NRXN3: variants seen among roughly 807,000 people sequenced by gnomAD.
The protein encoded by NRXN3 is neurexin III.
A neutral mutation model predicts 137.6 loss-of-function variants in NRXN3; 32 were observed. That is an observed-to-expected ratio of 0.23 (90% confidence interval 0.18 to 0.31). The LOEUF is 0.31. Among genes scored for constraint, NRXN3 ranks in the 10% least tolerant of loss-of-function variants. The probability of loss-of-function intolerance (pLI) is 1.00; values close to 1 mark genes in which losing one functional copy is unlikely to be tolerated. For synonymous variants in NRXN3, 798 were observed against 784.5 expected, an observed-to-expected ratio of 1.02 and a Z score of -0.29; for missense variants, 1,574 against 2,062.5, an observed-to-expected ratio of 0.76 and a Z score of 4.59.
At chr14:78,549,204 A>G (rs1328993965) in intron 4 of NRXN3, among the ~76,000 whole-genome samples, 1 of 152,192 alleles carries the variant, frequency 6.6e-6, no homozygotes, top group Non-Finnish European at 1.5e-5. Flanking sequence ...TACCAAGAGG[A>G]TGCTTTGTCC....
rs1244507202 is a variant in NRXN3, at chr14:78,419,060, C to T, written c.757+121200C>T. On this transcript the variant is annotated intron_variant, in intron 4 of 20. Coordinates refer to ENST00000335750, the MANE Select transcript of NRXN3 (RefSeq NM_001330195.2). ...TTGCCAACCTTTACATGAAGAGCCTCAGTTACCCCTCAGCACCATCTTTGG... is the reference window on the plus strand; with the variant it reads ...TTGCCAACCTTTACATGAAGAGCCTTAGTTACCCCTCAGCACCATCTTTGG... 2.6e-5 allele frequency among the ~76,000 whole-genome samples: 4 copies of T among 152,282 alleles called. No homozygotes were observed. The East Asian group carries it at 7.7e-4, about 29-fold the overall frequency.
intron 8 of NRXN3, among the ~76,000 whole-genome samples, chr14:78,790,439 C>A (rs2153049910): frequency 6.6e-6 from 1 of 152,236 alleles, no homozygotes; most frequent in African/African-American, 2.4e-5. Context: ...GACATCACCC[C>A]ACATCCATTT....
chr14:78,314,893 C>CTCTTCCTTTCTT, intron 4 of NRXN3, among the ~76,000 whole-genome samples: 1 of 82,184 alleles, frequency 1.2e-5, no homozygotes, highest in South Asian at 4.5e-4. Context: ...TTCTTTCTTT[C>CTCTTCCTTTCTT]TCTTTCTTTC....
intron 18 of NRXN3, among the ~76,000 whole-genome samples, chr14:79,696,003 T>C (rs1312769214): frequency 6.6e-6 from 1 of 152,002 alleles, no homozygotes; most frequent in Non-Finnish European, 1.5e-5. Flanking sequence ...AGGGCTATTA[T>C]TTGTAAATCA....
chr14:79,156,874 T>C (rs1166192361), intron 15 of NRXN3, among the ~76,000 whole-genome samples: 2 of 151,834 alleles, frequency 1.3e-5, no homozygotes, highest in Non-Finnish European at 2.9e-5. Context: ...GTGGGTCATA[T>C]ACTTCTTCAT....
chr14:78,960,560 T>C (rs1394481728), intron 11 of NRXN3, among the ~76,000 whole-genome samples: 1 of 152,228 alleles, frequency 6.6e-6, no homozygotes, highest in African/African-American at 2.4e-5. Flanking sequence ...GATTGTGTTC[T>C]TGGAAAAGCA....
At chr14:78,396,376 A>G (rs2192420) in intron 4 of NRXN3, among the ~76,000 whole-genome samples, 133,421 of 152,190 alleles carry the variant, frequency 0.88, 59,083 homozygotes, top group Middle Eastern at 0.95. Context: ...CAGAATTTAG[A>G]AGGCTCAAAG....
chr14:79,337,438 G>A (rs2092336195), intron 15 of NRXN3, among the ~76,000 whole-genome samples: 1 of 152,154 alleles, frequency 6.6e-6, no homozygotes, highest in South Asian at 2.1e-4. Flanking sequence ...ACAGATGCAG[G>A]AGCTGGTATA....
At chr14:79,168,034 A>G (rs886261112) in intron 15 of NRXN3, among the ~76,000 whole-genome samples, 2 of 151,694 alleles carry the variant, frequency 1.3e-5, no homozygotes, top group East Asian at 1.9e-4. Context: ...AACAGAATCA[A>G]TGACAATAGT....
chr14:79,172,321 G>A (rs2061866101), intron 15 of NRXN3, among the ~76,000 whole-genome samples: 1 of 152,044 alleles, frequency 6.6e-6, no homozygotes, highest in African/African-American at 2.4e-5. Context: ...TTCCTCTTGA[G>A]GTGTCAGTAA....
rs144724543 is a variant in NRXN3, at chr14:78,715,112, G to A, written c.2017G>A (p.Gly673Arg). ...NRFICDCTGTGYWGRTCEREA... is the reference protein window; with the variant it reads ...NRFICDCTGTRYWGRTCEREA... The stretch of plus-strand genomic sequence containing the variant: ...CTTCATCTGCGACTGCACCGGCACC[G>A]GATACTGGGGAAGAACCTGCGAAAG... Residue 673 changes from glycine to arginine, a missense_variant, in exon 8 of 21, where the codon GGA becomes AGA. Gly to Arg is a moderately radical substitution (Grantham distance 125). Transcript: ENST00000335750. 3.2e-5 allele frequency: 51 copies of A among 1,610,102 alleles called. No individual in the cohort carries two copies. Among genetic ancestry groups the A allele is most frequent in the Non-Finnish European group, 4.2e-5 (50 of 1,178,576 alleles).
At chr14:78,187,185 A>G (rs1349342095) in intron 1 of NRXN3, among the ~76,000 whole-genome samples, 1 of 152,064 alleles carries the variant, frequency 6.6e-6, no homozygotes, top group Non-Finnish European at 1.5e-5. Context: ...AGAGGCTCTG[A>G]CAGGTTAAGT....
At chr14:79,131,533 G>A (rs951506242) in intron 15 of NRXN3, among the ~76,000 whole-genome samples, 5 of 152,228 alleles carry the variant, frequency 3.3e-5, no homozygotes, top group African/African-American at 4.8e-5. Context: ...CAGTCTGCCC[G>A]TTTTCAGATC....
chr14:79,085,363 G>A lies in NRXN3; in HGVS notation c.3262+97222G>A, dbSNP rs115988695. 5.2e-3 allele frequency among the ~76,000 whole-genome samples: 788 copies of A among 152,178 alleles called. 7 individuals are homozygous for A. The highest frequency in any genetic ancestry group is 0.018 in the African/African-American group (745 of 41,526). On this transcript the variant is annotated intron_variant, in intron 15 of 20. Coordinates refer to ENST00000335750, the MANE Select transcript of NRXN3 (RefSeq NM_001330195.2). ...AAGATAACAGTTCATTTATTTCATA[G>A]ATTACTTTGATTAAAATCACTATTA...
intron 15 of NRXN3, among the ~76,000 whole-genome samples, chr14:79,416,813 C>T (rs565621216): frequency 6.6e-6 from 1 of 152,192 alleles, no homozygotes; most frequent in African/African-American, 2.4e-5. Flanking sequence ...AGCACAAACT[C>T]AAAGATAACA....
intron 4 of NRXN3, among the ~76,000 whole-genome samples, chr14:78,474,106 C>T (rs563252628): frequency 2.2e-4 from 33 of 152,198 alleles, no homozygotes; most frequent in Non-Finnish European, 3.5e-4. Flanking sequence ...ACATATTAAA[C>T]GTATGTCCAT....
At chr14:78,985,737 A>G (rs899760217) in intron 14 of NRXN3, among the ~76,000 whole-genome samples, 5 of 152,220 alleles carry the variant, frequency 3.3e-5, no homozygotes, top group Non-Finnish European at 7.3e-5. Context: ...AGCCAATTGT[A>G]TGGTGAGAGC....
intron 13 of NRXN3, among the ~76,000 whole-genome samples, chr14:78,967,965 T>C (rs2099424597): frequency 6.6e-6 from 1 of 150,718 alleles, no homozygotes; most frequent in Admixed American, 6.7e-5. Flanking sequence ...TGAGATGGTA[T>C]ATATAAAATG....
intron 1 of NRXN3, among the ~76,000 whole-genome samples, chr14:78,222,259 C>T (rs573715600): frequency 6.6e-6 from 1 of 152,252 alleles, no homozygotes; most frequent in East Asian, 1.9e-4. Flanking sequence ...AGGCAGTTGG[C>T]TACCCAGGGC....
Sources: gnomAD v4.1 joint callset for allele counts (sites outside exome capture counted in the v4.1 genomes callset) on GRCh38, gnomAD v4.1.1 for gene constraint, MANE v1.5 for transcripts, NCBI Gene and HGNC (gene_info 2026-07-23, HGNC 2026-07-21) for gene names.